Variants in FBXL17 observed in about 807,000 individuals in gnomAD.
The protein encoded by FBXL17 is F-box/LRR-repeat protein 17.
In FBXL17, 22 loss-of-function variants were observed where a neutral mutation model predicts 66.2. The observed-to-expected ratio is 0.33, with a 90% CI of 0.24 to 0.47. FBXL17 has a LOEUF of 0.47. FBXL17 is among the 20% of genes least tolerant of loss of function. FBXL17 has a pLI of 1.00. For synonymous variants in FBXL17, 474 were observed against 400.5 expected (o/e 1.18, Z -2.19); for missense variants, 878 against 948.2 (o/e 0.93, Z 0.97).
intron 4 of FBXL17, among the ~76,000 whole-genome samples, chr5:108,292,811 T>G (rs949453091): frequency 6.6e-6 from 1 of 152,136 alleles, no homozygotes; most frequent in Non-Finnish European, 1.5e-5. Context: ...TAAAAATATC[T>G]TGTTGAGGCC....
intron 7 of FBXL17, among the ~76,000 whole-genome samples, chr5:107,974,908 T>C (rs1752519764): frequency 6.6e-6 from 1 of 152,138 alleles, no homozygotes; most frequent in Admixed American, 6.5e-5. Flanking sequence ...AAGGAGTTAG[T>C]GAACTGACCT....
intron 7 of FBXL17, among the ~76,000 whole-genome samples, chr5:107,970,810 G>A (rs564398816): frequency 2.0e-5 from 3 of 152,264 alleles, no homozygotes; most frequent in Admixed American, 1.3e-4. Flanking sequence ...GTGCTCCCAC[G>A]GCCTTCACCT....
intron 8 of FBXL17, chr5:107,880,028 A>C (rs780406310): frequency 7.7e-5 from 42 of 542,338 alleles, no homozygotes; most frequent in Non-Finnish European, 9.6e-5. Flanking sequence ...GGAATAAACA[A>C]AGAAGAAAAC....
intron 6 of FBXL17, among the ~76,000 whole-genome samples, chr5:108,147,488 C>A (rs1751605046): frequency 6.6e-6 from 1 of 151,944 alleles, no homozygotes; most frequent in Non-Finnish European, 1.5e-5. Context: ...GAGTTCTAGA[C>A]CAGCCTGGGC....
intron 6 of FBXL17, among the ~76,000 whole-genome samples, chr5:108,033,410 GT>G (rs898150828): frequency 9.9e-5 from 15 of 152,058 alleles, no homozygotes; most frequent in African/African-American, 3.6e-4. Flanking sequence ...AAAGCAATCG[GT>G]TTTGACAAAT....
chr5:108,269,311 G>C (rs1580719698), intron 4 of FBXL17, among the ~76,000 whole-genome samples: 1 of 151,962 alleles, frequency 6.6e-6, no homozygotes, highest in Non-Finnish European at 1.5e-5. Context: ...ATGCTCTTAA[G>C]TTCTTTAATT....
intron 6 of FBXL17, among the ~76,000 whole-genome samples, chr5:108,143,605 T>A (rs1248250823): frequency 6.6e-6 from 1 of 151,836 alleles, no homozygotes; most frequent in Non-Finnish European, 1.5e-5. Flanking sequence ...AATATTTAAG[T>A]ATATTTTGAA....
intron 7 of FBXL17, among the ~76,000 whole-genome samples, chr5:107,892,999 C>A (rs934012801): frequency 6.6e-6 from 1 of 152,126 alleles, no homozygotes; most frequent in Non-Finnish European, 1.5e-5. Context: ...CTCTTCCATT[C>A]CCAGTTTGCT....
chr5:108,180,461 G>A (rs576949102), intron 6 of FBXL17, among the ~76,000 whole-genome samples: 1 of 151,880 alleles, frequency 6.6e-6, no homozygotes, highest in Non-Finnish European at 1.5e-5. Flanking sequence ...GTCTGAGATT[G>A]TGCCACTGCA....
chr5:108,013,524 T>TC lies in FBXL17; in HGVS notation c.1822+7400dup, dbSNP rs1003501058. On this transcript the variant is annotated intron_variant, in intron 7 of 8. Coordinates refer to ENST00000542267, the MANE Select transcript of FBXL17 (RefSeq NM_001163315.3). ...CCATGTCTCCTCTTCCACAAATCCT[T>TC]CCCCAAATATTGCAGTCTATGATGA... Among the ~76,000 whole-genome samples, 9 of 152,208 alleles carry TC rather than the reference T, an allele frequency of 5.9e-5. No individual in the cohort carries two copies. In the South Asian group the frequency reaches 1.2e-3, roughly 21 times the overall value.
intron 4 of FBXL17, among the ~76,000 whole-genome samples, chr5:108,311,786 TAGTC>T (rs899865611): frequency 1.5e-4 from 23 of 152,292 alleles, no homozygotes; most frequent in African/African-American, 5.3e-4. Context: ...AAAGAGCTCT[TAGTC>T]AGAAAGAGAA....
At chr5:108,355,611 A>G (rs1423791922) in intron 3 of FBXL17, among the ~76,000 whole-genome samples, 1 of 152,158 alleles carries the variant, frequency 6.6e-6, no homozygotes, top group Non-Finnish European at 1.5e-5. Context: ...TTGTTATTAT[A>G]AGATATTTTC....
chr5:108,151,513 G>A (rs1751771118), intron 6 of FBXL17, among the ~76,000 whole-genome samples: 1 of 152,186 alleles, frequency 6.6e-6, no homozygotes, highest in Non-Finnish European at 1.5e-5. Flanking sequence ...GGTGAGATAA[G>A]GTTTCTATCA....
At chr5:108,166,582 G>A (rs1752425405) in intron 6 of FBXL17, among the ~76,000 whole-genome samples, 1 of 152,156 alleles carries the variant, frequency 6.6e-6, no homozygotes, top group Non-Finnish European at 1.5e-5. Flanking sequence ...GATTTGATAT[G>A]TTAACAAAGT....
intron 4 of FBXL17, among the ~76,000 whole-genome samples, chr5:108,300,075 C>G (rs1394245240): frequency 3.9e-5 from 6 of 151,942 alleles, no homozygotes. Flanking sequence ...CAGCAGTTCA[C>G]TTAAGATTTT....
chr5:108,031,118 C>T (rs1490193530), intron 6 of FBXL17, among the ~76,000 whole-genome samples: 6 of 151,644 alleles, frequency 4.0e-5, no homozygotes, highest in South Asian at 2.1e-4. Flanking sequence ...AGCAAGTTAG[C>T]GAATGTGGAT....
chr5:108,043,839 C>T (rs1747142624), intron 6 of FBXL17, among the ~76,000 whole-genome samples: 3 of 152,156 alleles, frequency 2.0e-5, no homozygotes, highest in Non-Finnish European at 4.4e-5. Flanking sequence ...TCCAATCCAT[C>T]AGCAAAGTAC....
intron 6 of FBXL17, among the ~76,000 whole-genome samples, chr5:108,074,268 G>A (rs10069619): frequency 0.037 from 5,606 of 151,448 alleles, 353 homozygotes; most frequent in African/African-American, 0.13. Context: ...CAGGGTTATC[G>A]GCAGTTTGTC....
At chr5:107,900,186 C>G (rs1374754815) in intron 7 of FBXL17, among the ~76,000 whole-genome samples, 1 of 152,086 alleles carries the variant, frequency 6.6e-6, no homozygotes, top group East Asian at 1.9e-4. Context: ...AGTTTATTAA[C>G]AAGACTTGAT....
Sources: gnomAD v4.1 joint callset for allele counts (sites outside exome capture counted in the v4.1 genomes callset) on GRCh38, gnomAD v4.1.1 for gene constraint, MANE v1.5 for transcripts, NCBI Gene and HGNC (gene_info 2026-07-23, HGNC 2026-07-21) for gene names.